The following SFSWAP variants were observed in gnomAD, a reference collection of about 807,000 sequenced individuals.
The protein encoded by SFSWAP is splicing factor SWAP.
In SFSWAP, 17 loss-of-function variants were observed where a neutral mutation model predicts 100.7. That is an observed-to-expected ratio of 0.17 (90% CI 0.12 to 0.25). The LOEUF (loss-of-function observed/expected upper bound fraction) is 0.25, where lower values mean the gene tolerates loss of function less well. Ranked by LOEUF, SFSWAP falls within the 10% of genes least tolerant of loss-of-function variation. The probability of loss-of-function intolerance (pLI) is 1.00; values close to 1 mark genes in which losing one functional copy is unlikely to be tolerated. For synonymous variants in SFSWAP, 504 were observed against 510.1 expected, an observed-to-expected ratio of 0.99 and a Z score of 0.16; for missense variants, 1,005 against 1,262.6, an observed-to-expected ratio of 0.80 and a Z score of 3.09.
intron 11 of SFSWAP, 61 bp downstream of exon 11, chr12:131,756,705 C>T: frequency 7.0e-7 from 1 of 1,420,444 alleles, no homozygotes; most frequent in Non-Finnish European, 9.4e-7. Flanking sequence ...AGCGTAGGAT[C>T]CTCGGTGACC....
chr12:131,793,198 ATCC>A (rs1334639531), intron 15 of SFSWAP, among the ~76,000 whole-genome samples: 1 of 151,934 alleles, frequency 6.6e-6, no homozygotes, highest in East Asian at 1.9e-4. Flanking sequence ...GGCTCAAGGA[ATCC>A]TCCCACCTCA....
In SFSWAP at chr12:131,796,980, T is replaced by C. The variant is rs1885722187; in HGVS notation, c.2535-198T>C. On this transcript the variant is annotated intron_variant, in intron 15 of 17. Transcript: ENST00000261674. ...ACCACAAATATTTTACTTGAGGTCC[T>C]AAATGGGGACGCGTCATCTGTTATC... 9.3e-6 allele frequency: 5 copies of C among 536,020 alleles called. No homozygotes were observed. The African/African-American group carries it at 9.5e-5, about 10-fold the overall frequency. The allele number at this position is 536,020 out of a possible 1,614,324, so 33.2% of individuals were successfully genotyped here.
intron 7 of SFSWAP, among the ~76,000 whole-genome samples, chr12:131,741,210 C>A (rs1880593524): frequency 6.6e-6 from 1 of 152,018 alleles, no homozygotes; most frequent in African/African-American, 2.4e-5. Flanking sequence ...TCGTGATCCA[C>A]CTGCCTCGGC....
At chr12:131,798,051 G>A (rs1413237538) in intron 16 of SFSWAP, among the ~76,000 whole-genome samples, 1 of 152,236 alleles carries the variant, frequency 6.6e-6, no homozygotes, top group Admixed American at 6.5e-5. Context: ...GAGTTAAAAT[G>A]TAAATCAGGC....
At chr12:131,770,799 G>A (rs912873643) in intron 13 of SFSWAP, among the ~76,000 whole-genome samples, 2 of 152,164 alleles carry the variant, frequency 1.3e-5, no homozygotes, top group African/African-American at 2.4e-5. Context: ...TTCCCAGGAT[G>A]TCCATCTTCT....
chr12:131,762,233 C>CA (rs903906034), intron 11 of SFSWAP, among the ~76,000 whole-genome samples: 86 of 133,674 alleles, frequency 6.4e-4, no homozygotes, highest in Admixed American at 8.2e-4. Context: ...ACTCCGTCTC[C>CA]AAAAAAAAAA....
At chr12:131,764,275 T>C (rs1410395462) in intron 11 of SFSWAP, among the ~76,000 whole-genome samples, 181 bp from the exon 12 acceptor site, 1 of 152,186 alleles carries the variant, frequency 6.6e-6, no homozygotes, top group African/African-American at 2.4e-5. Flanking sequence ...CCCCACGCCA[T>C]GCAGTGCACA....
chr12:131,768,720 C>G (rs767485978), intron 13 of SFSWAP, among the ~76,000 whole-genome samples: 1 of 152,194 alleles, frequency 6.6e-6, no homozygotes, highest in South Asian at 2.1e-4. Flanking sequence ...AGCAGCCCCC[C>G]GGGACGCCGT....
chr12:131,785,294 A>G, intron 14 of SFSWAP: 1 of 1,254,244 alleles, frequency 8.0e-7, no homozygotes. Flanking sequence ...GGAAAAAATC[A>G]AAACGATTCT....
At chr12:131,766,567 G>C (rs947337295) in intron 13 of SFSWAP, among the ~76,000 whole-genome samples, 1 of 152,246 alleles carries the variant, frequency 6.6e-6, no homozygotes, top group East Asian at 1.9e-4. Flanking sequence ...CTTCACGGCT[G>C]CCCTTATGGG....
chr12:131,769,783 C>T (rs1483883235), intron 13 of SFSWAP, among the ~76,000 whole-genome samples: 1 of 152,104 alleles, frequency 6.6e-6, no homozygotes, highest in African/African-American at 2.4e-5. Flanking sequence ...CCCGCCACCA[C>T]GCCCGGCTAA....
intron 7 of SFSWAP, among the ~76,000 whole-genome samples, chr12:131,731,127 G>A (rs1382131334): frequency 6.6e-6 from 1 of 152,208 alleles, no homozygotes; most frequent in African/African-American, 2.4e-5. Context: ...AGAGCCAAGA[G>A]CTAGAACTTT....
Position 131,725,331 on chromosome 12 carries a change from A to G in SFSWAP, c.607-74A>G, listed in dbSNP as rs1878852751. 4 of 1,226,490 alleles carry G rather than the reference A, an allele frequency of 3.3e-6. No individual in the cohort carries two copies. Among genetic ancestry groups the G allele is most frequent in the Admixed American group, 3.4e-5 (2 of 58,404 alleles). 76.0% of individuals were successfully genotyped at this position (1,226,490 alleles called of 1,614,324 possible). On this transcript the variant is annotated intron_variant, in intron 4 of 17. Transcript: ENST00000261674. The surrounding 1 kb of genome is among the most constrained non-coding windows in gnomAD (Gnocchi z 4.3). Reference sequence around the variant, plus strand: ...TGACAGTAAAACCAGAGTCATTTCTATGTTTTAATGAAATCACGTGGCCGG... The same window carrying G: ...TGACAGTAAAACCAGAGTCATTTCTGTGTTTTAATGAAATCACGTGGCCGG...
At chr12:131,782,830 C>T (rs1021901536) in intron 14 of SFSWAP, among the ~76,000 whole-genome samples, 8 of 152,154 alleles carry the variant, frequency 5.3e-5, no homozygotes, top group Non-Finnish European at 1.2e-4. Context: ...TGGAAAATCA[C>T]TATGTTGCTT....
chr12:131,781,330 C>A (rs1333124542), intron 14 of SFSWAP, among the ~76,000 whole-genome samples: 1 of 150,906 alleles, frequency 6.6e-6, no homozygotes, highest in Non-Finnish European at 1.5e-5. Context: ...CTCTGCCTCC[C>A]GGGTTCACAC....
intron 6 of SFSWAP, among the ~76,000 whole-genome samples, chr12:131,727,744 T>C (rs1324694362): frequency 6.6e-6 from 1 of 152,234 alleles, no homozygotes; most frequent in African/African-American, 2.4e-5. Flanking sequence ...CATAGATTGT[T>C]TTTAAATAAA....
intron 3 of SFSWAP, among the ~76,000 whole-genome samples, chr12:131,717,793 C>T (rs1015112947): frequency 1.3e-5 from 2 of 152,116 alleles, no homozygotes; most frequent in African/African-American, 4.8e-5. Flanking sequence ...TGCAGTGGTG[C>T]GGTGTCAGCT....
intron 12 of SFSWAP, among the ~76,000 whole-genome samples, chr12:131,765,912 C>G (rs571822592): frequency 9.9e-5 from 15 of 152,164 alleles, no homozygotes; most frequent in Non-Finnish European, 1.9e-4. Flanking sequence ...TAGAGTCTCA[C>G]CAACCTTCTA....
chr12:131,799,048 A>C lies in SFSWAP; in HGVS notation c.2729A>C (p.Gln910Pro). Residue 910 changes from glutamine (Q) to proline (P), a missense_variant, in exon 17 of 18, where the codon CAG (glutamine) becomes CCG (proline). Coordinates refer to ENST00000261674, the MANE Select transcript of SFSWAP (RefSeq NM_004592.4). ...TCTCTCTGCATTAGGGGAGTCTCTC[A>C]GGAAAAAGAAGCCCAGATCTCTTCA... Reference protein sequence around the residue: ...SSQERSRGVSQEKEAQISSAI... With the variant: ...SSQERSRGVSPEKEAQISSAI... 6.2e-7 allele frequency: 1 copy of C among 1,613,694 alleles called. No homozygotes were observed. Among genetic ancestry groups the C allele is most frequent in the Admixed American group, 1.7e-5 (1 of 60,014 alleles).
Sources: allele counts gnomAD v4.1 joint callset (sites outside exome capture counted in the v4.1 genomes callset), GRCh38; gene constraint gnomAD v4.1.1; non-coding constraint Gnocchi (gnomAD v3.1); transcripts MANE v1.5; gene names NCBI Gene and HGNC (gene_info 2026-07-23, HGNC 2026-07-21).